Variants in PEX5 observed in about 807,000 individuals in gnomAD.
PEX5 encodes PTS1 receptor.
A neutral mutation model predicts 82.9 loss-of-function variants in PEX5; 52 were observed. That is an observed-to-expected ratio of 0.63 (90% confidence interval 0.50 to 0.79). The LOEUF (loss-of-function observed/expected upper bound fraction) is 0.79, where lower values mean the gene tolerates loss of function less well. PEX5 is among the 30% of genes least tolerant of loss of function. The pLI, the probability that PEX5 is intolerant of heterozygous loss-of-function variation, is 0.00. For missense variants in PEX5, 719 were observed against 815.2 expected (o/e 0.88, Z 1.44); for synonymous variants, 300 against 318.8 (o/e 0.94, Z 0.63).
downstream of PEX5, chr12:7,212,694 C>G (rs1284701869): frequency 6.6e-6 from 1 of 151,998 alleles, no homozygotes; most frequent in African/African-American, 2.4e-5. Context: ...GGGAACTATC[C>G]CAATGTGCTA....
At chr12:7,203,572 T>G in intron 10 of PEX5, 21 bp downstream of exon 10, 1 of 1,610,060 alleles carries the variant, frequency 6.2e-7, no homozygotes, top group African/African-American at 1.3e-5. Context: ...AACTCTTAGT[T>G]TTTCAGGTTC....
chr12:7,203,118 A>G (rs1944313016), intron 9 of PEX5, among the ~76,000 whole-genome samples: 2 of 151,678 alleles, frequency 1.3e-5, no homozygotes, highest in Admixed American at 1.3e-4. Context: ...AGATCACGCC[A>G]TTGCACTCTA....
intron 7 of PEX5, 117 bp from the exon 8 acceptor site, chr12:7,202,124 T>A: frequency 6.7e-7 from 1 of 1,499,218 alleles, no homozygotes; most frequent in South Asian, 1.1e-5. Flanking sequence ...TAGCATATCT[T>A]GTCTGCAGCT....
At chr12:7,215,158 G>A (rs1462143168), downstream of PEX5, among the ~76,000 whole-genome samples, 2 of 152,110 alleles carry the variant, frequency 1.3e-5, no homozygotes, top group Admixed American at 6.5e-5. Context: ...ATGAAAAAAT[G>A]CTCAACATTA....
chr12:7,214,473 A>C (rs1337713759), downstream of PEX5, among the ~76,000 whole-genome samples: 1 of 149,896 alleles, frequency 6.7e-6, no homozygotes, highest in Non-Finnish European at 1.5e-5. Flanking sequence ...AGAACAAAAA[A>C]CCAAACACTG....
At chr12:7,218,464 G>T (rs1466728902) in exon 18 of PEX5, 1 of 152,178 alleles carries the variant, frequency 6.6e-6, no homozygotes, top group African/African-American at 2.4e-5. Flanking sequence ...TTGGGATCCT[G>T]AACTCATATT....
downstream of PEX5, among the ~76,000 whole-genome samples, chr12:7,213,938 A>G (rs1945702678): frequency 6.6e-6 from 1 of 152,076 alleles, no homozygotes; most frequent in Non-Finnish European, 1.5e-5. Context: ...TTTTCAAAAG[A>G]AGACATTTAT....
At chr12:7,201,328 C>T (rs78297283) in intron 6 of PEX5, among the ~76,000 whole-genome samples, 2,137 of 22,776 alleles carry the variant, frequency 0.094, 42 homozygotes, top group African/African-American at 0.15. Context: ...TATACATACA[C>T]ACATACACGT....
downstream of PEX5, among the ~76,000 whole-genome samples, chr12:7,215,261 G>C (rs1409541845): frequency 6.6e-6 from 1 of 152,152 alleles, no homozygotes; most frequent in Non-Finnish European, 1.5e-5. Flanking sequence ...ACATGTTAGT[G>C]AGGTTGCAGA....
intron 10 of PEX5, among the ~76,000 whole-genome samples, chr12:7,206,294 A>G (rs981116534): frequency 6.6e-6 from 1 of 151,984 alleles, no homozygotes; most frequent in African/African-American, 2.4e-5. Flanking sequence ...AAAATTATAT[A>G]AAATTCAAAT....
rs190266139 is a variant in PEX5 at position 7,210,008 on chromosome 12, C to G, written c.1719-14C>G. 11 of 1,613,964 alleles carry G rather than the reference C, an allele frequency of 6.8e-6. No homozygotes were observed. The East Asian group carries it at 2.5e-4, about 36-fold the overall frequency. Reference sequence around the variant, plus strand: ...GTTCAGCTTAACAGCTCTCATTCCTCTTCTTCCTTACAGGGAGGCTGTGGA... The same window carrying G: ...GTTCAGCTTAACAGCTCTCATTCCTGTTCTTCCTTACAGGGAGGCTGTGGA... On this transcript the variant is annotated splice_polypyrimidine_tract_variant and intron_variant, in intron 15 of 15. Transcript: ENST00000675855.
intron 10 of PEX5, among the ~76,000 whole-genome samples, chr12:7,206,451 G>A (rs1370706258): frequency 6.6e-6 from 1 of 152,190 alleles, no homozygotes; most frequent in Non-Finnish European, 1.5e-5. Flanking sequence ...GCCCTTCGCA[G>A]AAAAAGTTTG....
rs1565705620 is a variant in PEX5 at position 7,202,614 on chromosome 12, T to C, written c.756T>C (p.Gly252=). ...CTGACCATCCTTTTTTGTCGCAGGG[T>C]ACATCAGATGCCTGGGTTGACCAGT... is the stretch of plus-strand genomic sequence containing the variant. ...QWAAEFIQQQ[G]TSDAWVDQFT... Residue 252 remains glycine (G), a splice_region_variant and synonymous_variant, in exon 9 of 16, where the codon GGT becomes GGC. Coordinates refer to ENST00000675855, the MANE Select transcript of PEX5 (RefSeq NM_001351132.2). 2.5e-6 allele frequency: 4 copies of C among 1,613,768 alleles called. No homozygotes were observed. The highest frequency in any genetic ancestry group is 3.4e-6 in the Non-Finnish European group (4 of 1,179,724).
intron 13 of PEX5, 110 bp from the exon 14 acceptor site, chr12:7,208,895 A>C (rs756827416): frequency 9.4e-7 from 1 of 1,063,750 alleles, no homozygotes; most frequent in Admixed American, 1.7e-5. Flanking sequence ...GAGATGACTG[A>C]TAGATTGATG....
At chr12:7,190,254 C>T in intron 1 of PEX5, 108 bp from the exon 2 acceptor site, 3 of 1,590,872 alleles carry the variant, frequency 1.9e-6, no homozygotes, top group Non-Finnish European at 8.5e-7. Context: ...TGGAGGGCGG[C>T]CAGTGTGGGG....
intron 8 of PEX5, 63 bp from the exon 9 acceptor site, chr12:7,202,549 T>C: frequency 6.8e-7 from 1 of 1,472,064 alleles, no homozygotes; most frequent in Non-Finnish European, 9.5e-7. Context: ...AGTGGGTATT[T>C]AGTGTGCGTC....
intron 10 of PEX5, among the ~76,000 whole-genome samples, chr12:7,204,670 A>T (rs1944539939): frequency 6.6e-6 from 1 of 152,256 alleles, no homozygotes; most frequent in African/African-American, 2.4e-5. Flanking sequence ...GATAAGTCAC[A>T]TAGGCCCCAT....
In PEX5 at chr12:7,200,716, C is replaced by T. The variant is rs1342400960; in HGVS notation, c.552-1035C>T. 3.9e-5 allele frequency among the ~76,000 whole-genome samples: 6 copies of T among 152,272 alleles called. No homozygotes were observed. In the East Asian group the frequency reaches 5.8e-4, roughly 15 times the overall value. ...CAGCCCGGCCAACACAGCGAAACCC[C>T]GTCTCCACCAAAAAAATACGAAAAC... On this transcript the variant is annotated intron_variant, in intron 6 of 15. Coordinates refer to ENST00000675855, the MANE Select transcript of PEX5 (RefSeq NM_001351132.2).
rs929109450 is a variant in PEX5, at chr12:7,208,354, A to G, written c.1182-103A>G. The G allele has an allele frequency of 3.9e-5, 33 of 842,230 alleles. No individual in the cohort carries two copies. The South Asian group carries it at 4.4e-4, about 11-fold the overall frequency. 52.2% of individuals were successfully genotyped at this position (842,230 alleles called of 1,614,324 possible). A position where few individuals can be genotyped will look rare whatever the true frequency, so the allele number is the denominator to read the frequency against. ...TGTCAGAGGAGTCACAGGTGAGGCC[A>G]TTGTGACTCTGCATTTCAAAGCTTG... On this transcript the variant is annotated intron_variant, in intron 12 of 15. Transcript: ENST00000675855.
Sources: gnomAD v4.1 joint callset for allele counts (sites outside exome capture counted in the v4.1 genomes callset) on GRCh38, gnomAD v4.1.1 for gene constraint, MANE v1.5 for transcripts, NCBI Gene and HGNC (gene_info 2026-07-23, HGNC 2026-07-21) for gene names.